Variants in CPNE1 observed in about 807,000 individuals in gnomAD.
The protein encoded by CPNE1 is copine-1.
CPNE1 carries 58 observed loss-of-function variants against 63.2 expected under a neutral mutation model. The ratio of observed to expected loss-of-function variants is 0.92; its 90% CI spans 0.74 to 1.14. The LOEUF (loss-of-function observed/expected upper bound fraction) is 1.14. CPNE1 is among the 50% of genes most tolerant of loss of function. CPNE1 has a pLI of 0.00. For synonymous variants in CPNE1, 237 were observed against 249.0 expected, an observed-to-expected ratio of 0.95 and a Z score of 0.45; for missense variants, 672 against 661.7, an observed-to-expected ratio of 1.02 and a Z score of -0.17.
At chr20:35,658,797 AC>A in intron 1 of CPNE1, 1 of 521,590 alleles carries the variant, frequency 1.9e-6, no homozygotes, top group Non-Finnish European at 3.3e-6. Flanking sequence ...AAACAAGCAA[AC>A]AAAAACACAC....
At chr20:35,645,171 G>C (rs1162134663) in intron 1 of CPNE1, among the ~76,000 whole-genome samples, 21 of 152,130 alleles carry the variant, frequency 1.4e-4, no homozygotes, top group Admixed American at 1.4e-3. Context: ...ATGAGTAAAT[G>C]AACAAAAGCA....
rs11543246 is a variant in CPNE1 at position 35,632,863 on chromosome 20, C to T, written c.61G>A (p.Asp21Asn). 1.0e-5 allele frequency: 9 copies of T among 872,970 alleles called. No individual in the cohort carries two copies. The highest frequency in any genetic ancestry group is 2.4e-5 in the East Asian group (1 of 41,706). The allele number at this position is 872,970 out of a possible 1,614,324, so 54.1% of individuals were successfully genotyped here. Reference protein sequence around the residue: ...SISCDHLIDKDIGSKSDPLCV... With the variant: ...SISCDHLIDKNIGSKSDPLCV... ...AGTGGGTCAGACTTGGAGCCGATGT[C>T]CTTGTCAATGAGATGGTCACAGGAA... The change falls in exon 2 of 16, where the codon GAC (aspartate) becomes AAC (asparagine). Residue 21 changes from aspartate to asparagine, a missense_variant. Coordinates refer to ENST00000397443, the MANE Select transcript of CPNE1 (RefSeq NM_152925.3).
intron 15 of CPNE1, 64 bp from the exon 16 acceptor site, chr20:35,626,445 C>T: frequency 6.2e-7 from 1 of 1,603,776 alleles, no homozygotes; most frequent in Non-Finnish European, 8.5e-7. Flanking sequence ...GTATTTCATG[C>T]TCAAGAACCC....
intron 1 of CPNE1, chr20:35,653,271 A>T: frequency 1.2e-6 from 2 of 1,613,638 alleles, no homozygotes. Flanking sequence ...GCAGTCCTGC[A>T]CTGGTTATTG....
At chr20:35,636,304 C>A (rs1465810939) in intron 1 of CPNE1, among the ~76,000 whole-genome samples, 1 of 152,186 alleles carries the variant, frequency 6.6e-6, no homozygotes, top group Non-Finnish European at 1.5e-5. Flanking sequence ...CCATGCATGT[C>A]ACCTCACATG....
At chr20:35,647,097 G>A (rs956114020) in intron 1 of CPNE1, among the ~76,000 whole-genome samples, 1 of 151,768 alleles carries the variant, frequency 6.6e-6, no homozygotes, top group Non-Finnish European at 1.5e-5. Flanking sequence ...GATCACCTGA[G>A]GTCAGGAGTT....
At chr20:35,655,162 C>T in intron 1 of CPNE1, 1 of 1,614,226 alleles carries the variant, frequency 6.2e-7, no homozygotes, top group Non-Finnish European at 8.5e-7. Context: ...CATACCAAGC[C>T]TTGCATCTTC....
chr20:35,627,326 T>C lies in CPNE1; in HGVS notation c.1190A>G (p.His397Arg), dbSNP rs762381858. ...AGCCTGGGCTGCAAACCTGGCCACA[T>C]GGTTGATGATGGGTGCAAAGTTGGT... ...GPTNFAPIIN[H>R]VARFAAQAAH... The change falls in exon 14 of 16, where the codon CAT (histidine) becomes CGT (arginine). Residue 397 changes from histidine (H) to arginine (R), a missense_variant. Coordinates refer to ENST00000397443, the MANE Select transcript of CPNE1 (RefSeq NM_152925.3). The C allele has an allele frequency of 5.8e-5, 93 of 1,612,930 alleles. No homozygotes were observed. In the Middle Eastern group the frequency reaches 6.6e-4, roughly 11 times the overall value.
At position 35,631,276 on chromosome 20, in the gene CPNE1, T is replaced by C. The variant is rs748177150; in HGVS notation, c.793A>G (p.Ile265Val). Reference protein sequence around the residue: ...YKNSGTIRVKICRVETEYSFL... With the variant: ...YKNSGTIRVKVCRVETEYSFL... ...ATGGGCTTTTGTCTCACCCGACAAA[T>C]CTTGACACGGATAGTTCCAGAGTTC... Residue 265 changes from isoleucine to valine, a missense_variant, in exon 9 of 16, where the codon ATT (isoleucine) becomes GTT (valine). Coordinates refer to ENST00000397443, the MANE Select transcript of CPNE1 (RefSeq NM_152925.3). 1 of 1,614,184 alleles carries C rather than the reference T, an allele frequency of 6.2e-7. No homozygotes were observed. Among genetic ancestry groups the C allele is most frequent in the Non-Finnish European group, 8.5e-7 (1 of 1,180,014 alleles).
chr20:35,631,025 C>G lies in CPNE1; in HGVS notation c.871G>C (p.Asp291His). 1 of 1,613,928 alleles carries G rather than the reference C, an allele frequency of 6.2e-7. No homozygotes were observed. The change falls in exon 11 of 16, where the codon GAC becomes CAC. Residue 291 changes from aspartate (D) to histidine (H), a missense_variant. Physicochemically the swap from Asp to His is moderately conservative, Grantham distance 81 (BLOSUM62 -1). Coordinates refer to ENST00000397443, the MANE Select transcript of CPNE1 (RefSeq NM_152925.3). ...GCQINFTVGV[D>H]FTGSNGDPSS... ...GGGTCTCCATTGGAGCCAGTGAAGT[C>G]CACGCCCACCTGGGAGGAGGTGAGG...
intron 1 of CPNE1, among the ~76,000 whole-genome samples, chr20:35,646,577 G>A (rs767429113): frequency 2.0e-5 from 3 of 152,034 alleles, no homozygotes; most frequent in Non-Finnish European, 4.4e-5. Context: ...CCACCCATTA[G>A]GAGGCTGAGG....
intron 1 of CPNE1, among the ~76,000 whole-genome samples, chr20:35,648,183 A>T (rs1208968443): frequency 2.6e-5 from 4 of 152,156 alleles, no homozygotes; most frequent in Non-Finnish European, 5.9e-5. Flanking sequence ...CTACTACCAG[A>T]GTACACTCTT....
chr20:35,631,902 A>G, intron 6 of CPNE1, 43 bp downstream of exon 6: 1 of 1,585,438 alleles, frequency 6.3e-7, no homozygotes, highest in African/African-American at 1.3e-5. Flanking sequence ...GCCCCAGGAG[A>G]TTATCTCCTA....
chr20:35,641,100 G>C (rs985932269), intron 1 of CPNE1, among the ~76,000 whole-genome samples: 1 of 152,108 alleles, frequency 6.6e-6, no homozygotes, highest in Non-Finnish European at 1.5e-5. Flanking sequence ...CATTCTCTCA[G>C]TGTCCCTTAA....
chr20:35,658,156 C>T lies in CPNE1; in HGVS notation c.-1+6604G>A, dbSNP rs77860344. On this transcript the variant is annotated intron_variant, in intron 1 of 15. Coordinates refer to ENST00000397443, the MANE Select transcript of CPNE1 (RefSeq NM_152925.3). ...TGACAGCTAAGTCATTTCAACCTAA[C>T]TTGGGCCTATCTTAGTTACTTAAAC... Among the ~76,000 whole-genome samples the T allele has an allele frequency of 3.2e-3, 484 of 152,314 alleles. 1 individual carries two copies. The highest frequency in any genetic ancestry group is 0.011 in the African/African-American group (449 of 41,564).
At chr20:35,628,057 G>A (rs1202123974) in intron 13 of CPNE1, among the ~76,000 whole-genome samples, 5 of 151,818 alleles carry the variant, frequency 3.3e-5, no homozygotes, top group Non-Finnish European at 5.9e-5. Flanking sequence ...TGAGGCGGGC[G>A]GATCACAAGG....
chr20:35,664,662 C>T (rs928071802), intron 1 of CPNE1, 98 bp downstream of exon 1: 10 of 152,460 alleles, frequency 6.6e-5, no homozygotes, highest in African/African-American at 2.4e-4. Flanking sequence ...CGCTAGTTGC[C>T]GCGGGCTCGA....
At chr20:35,648,663 G>A (rs1275147092) in intron 1 of CPNE1, among the ~76,000 whole-genome samples, 2 of 152,190 alleles carry the variant, frequency 1.3e-5, no homozygotes, top group African/African-American at 4.8e-5. Flanking sequence ...CAACATTTAA[G>A]GGCTTTGTTT....
intron 1 of CPNE1, among the ~76,000 whole-genome samples, chr20:35,639,101 AAAC>A (rs1377719060): frequency 2.2e-3 from 332 of 150,032 alleles, no homozygotes; most frequent in Middle Eastern, 6.9e-3. Context: ...CAAAAAAAAA[AAAC>A]AAAACCCAAC....
Sources: allele counts gnomAD v4.1 joint callset (sites outside exome capture counted in the v4.1 genomes callset), GRCh38; gene constraint gnomAD v4.1.1; transcripts MANE v1.5; gene names NCBI Gene and HGNC (gene_info 2026-07-23, HGNC 2026-07-21).